PEBP4: variants seen among roughly 807,000 people sequenced by gnomAD.
PEBP4 encodes the protein phosphatidylethanolamine-binding protein 4.
A neutral mutation model predicts 23.9 loss-of-function variants in PEBP4; 22 were observed. The observed-to-expected ratio is 0.92, with a 90% confidence interval of 0.66 to 1.31. PEBP4 has a LOEUF of 1.31. Among genes scored for constraint, PEBP4 ranks in the 40% most tolerant of loss-of-function variants. The probability of loss-of-function intolerance (pLI) is 0.00; values close to 1 mark genes in which losing one functional copy is unlikely to be tolerated. For synonymous variants in PEBP4, 112 were observed against 99.3 expected (o/e 1.13, Z -0.76); for missense variants, 324 against 281.7 (o/e 1.15, Z -1.07).
intron 3 of PEBP4, among the ~76,000 whole-genome samples, chr8:22,906,748 T>G (rs1329268372): frequency 6.6e-6 from 1 of 152,248 alleles, no homozygotes; most frequent in Non-Finnish European, 1.5e-5. Context: ...AAATATTTAC[T>G]AAGTGCCTAC....
At chr8:22,817,001 GC>G in intron 4 of PEBP4, among the ~76,000 whole-genome samples, 1 of 152,208 alleles carries the variant, frequency 6.6e-6, no homozygotes, top group East Asian at 1.9e-4. Flanking sequence ...TGGCAACACA[GC>G]CTTTCCCTCC....
chr8:22,728,613 C>CA (rs1563196431), intron 4 of PEBP4, among the ~76,000 whole-genome samples: 1 of 101,002 alleles, frequency 9.9e-6, no homozygotes, highest in Non-Finnish European at 1.8e-5. Flanking sequence ...CCTTCCTTCC[C>CA]TTTTTTTGGA....
chr8:22,921,862 G>A (rs188578392), intron 2 of PEBP4, among the ~76,000 whole-genome samples: 118 of 152,338 alleles, frequency 7.7e-4, no homozygotes, highest in African/African-American at 2.5e-3. Context: ...CGCAGCTAGC[G>A]AGATGCGAGG....
rs755758009 is a variant in PEBP4, at chr8:22,920,186, C to T, written c.256G>A (p.Asp86Asn). 2 of 1,611,758 alleles carry T rather than the reference C, an allele frequency of 1.2e-6. No homozygotes were observed. Among genetic ancestry groups the T allele is most frequent in the East Asian group, 2.2e-5 (1 of 44,804 alleles). The change falls in exon 3 of 7, where the codon GAC (aspartate) becomes AAC (asparagine). Residue 86 changes from aspartate to asparagine, a missense_variant and splice_region_variant. Coordinates refer to ENST00000256404, the MANE Select transcript of PEBP4 (RefSeq NM_144962.3). ...TTAACACAGCCCTGCTCACTCACGT[C>T]CACGGCCCCCGGGAACTTGACTATC... ...EPIVKFPGAV[D>N]GATYILVMVD... is the part of the protein sequence containing the mutation.
intron 3 of PEBP4, 48 bp downstream of exon 3, chr8:22,920,136 C>A: frequency 6.3e-7 from 1 of 1,583,668 alleles, no homozygotes; most frequent in South Asian, 1.1e-5. Flanking sequence ...GGAGGAACAT[C>A]AAGACCCCCA....
At chr8:22,879,655 G>A (rs1016378528) in intron 3 of PEBP4, among the ~76,000 whole-genome samples, 57 of 152,202 alleles carry the variant, frequency 3.7e-4, no homozygotes, top group African/African-American at 1.3e-3. Flanking sequence ...GAGGGTCGAG[G>A]GTCGGGGAGG....
chr8:22,784,918 C>T (rs947739603), intron 4 of PEBP4, among the ~76,000 whole-genome samples: 1 of 152,190 alleles, frequency 6.6e-6, no homozygotes, highest in Non-Finnish European at 1.5e-5. Context: ...CCGTCAGGAA[C>T]GCTCTGGGAT....
At chr8:22,767,595 C>G (rs1403815077) in intron 4 of PEBP4, among the ~76,000 whole-genome samples, 1 of 151,730 alleles carries the variant, frequency 6.6e-6, no homozygotes, top group Non-Finnish European at 1.5e-5. Context: ...TCCAAATAAT[C>G]TCACCTTGCC....
At chr8:22,833,595 G>A (rs1215492312) in intron 3 of PEBP4, among the ~76,000 whole-genome samples, 1 of 152,214 alleles carries the variant, frequency 6.6e-6, no homozygotes. Flanking sequence ...GCCTCTCAAA[G>A]TGCTGGGATT....
intron 3 of PEBP4, among the ~76,000 whole-genome samples, chr8:22,876,583 C>T (rs1366119935): frequency 1.3e-5 from 2 of 152,236 alleles, no homozygotes; most frequent in Non-Finnish European, 2.9e-5. Context: ...CCAGTGATGA[C>T]ATGTTCTGTC....
At chr8:22,926,615 G>A (rs1232106309) in intron 2 of PEBP4, among the ~76,000 whole-genome samples, 2 of 151,950 alleles carry the variant, frequency 1.3e-5, no homozygotes, top group African/African-American at 4.8e-5. Context: ...CAAAGTGCTG[G>A]GATTACACAT....
At position 22,780,643 on chromosome 8, in the gene PEBP4, G is replaced by A. The variant is rs61492093; in HGVS notation, c.357+36994C>T. ...GCGATGGAAGTTATAAGGCCTGAAGGCATTGACTCCCCTGCCATACACCCA... is the reference window on the plus strand; with the variant it reads ...GCGATGGAAGTTATAAGGCCTGAAGACATTGACTCCCCTGCCATACACCCA... On this transcript the variant is annotated intron_variant, in intron 4 of 6. Transcript: ENST00000256404. 6.8e-3 allele frequency among the ~76,000 whole-genome samples: 1,038 copies of A among 152,260 alleles called. 21 individuals carry two copies. The highest frequency in any genetic ancestry group is 0.024 in the African/African-American group (986 of 41,530).
upstream of PEBP4, among the ~76,000 whole-genome samples, chr8:22,929,441 T>C (rs1053032747): frequency 1.3e-5 from 2 of 152,230 alleles, no homozygotes; most frequent in African/African-American, 4.8e-5. Context: ...GATGGCGGCC[T>C]GGAAGAAGGG....
At chr8:22,864,005 C>T (rs1807832163) in intron 3 of PEBP4, among the ~76,000 whole-genome samples, 1 of 152,214 alleles carries the variant, frequency 6.6e-6, no homozygotes. Context: ...CTACCCTCCT[C>T]ACAGCCACCA....
At chr8:22,872,398 G>A (rs1482761034) in intron 3 of PEBP4, among the ~76,000 whole-genome samples, 1 of 152,230 alleles carries the variant, frequency 6.6e-6, no homozygotes, top group African/African-American at 2.4e-5. Flanking sequence ...CAAGAGACAG[G>A]ACCCCTTTTT....
chr8:22,718,784 G>C (rs555821623), intron 6 of PEBP4, among the ~76,000 whole-genome samples: 2 of 152,120 alleles, frequency 1.3e-5, no homozygotes, highest in South Asian at 4.1e-4. Context: ...CGCTGGTGGG[G>C]GGCAGTCTGA....
intron 3 of PEBP4, 66 bp from the exon 4 acceptor site, chr8:22,817,801 A>C (rs1585289778): frequency 1.1e-4 from 158 of 1,421,012 alleles, no homozygotes; most frequent in Admixed American, 4.7e-4. Flanking sequence ...CACGGGGCAG[A>C]CCTCCTTTTC....
chr8:22,854,996 G>GCACGCACA (rs1807612452), intron 3 of PEBP4, among the ~76,000 whole-genome samples: 2 of 75,768 alleles, frequency 2.6e-5, no homozygotes, highest in Admixed American at 1.5e-4. Context: ...GTGTGAGTAT[G>GCACGCACA]CACGCACACA....
intron 3 of PEBP4, among the ~76,000 whole-genome samples, chr8:22,849,270 A>G (rs1330173322): frequency 1.3e-5 from 2 of 152,222 alleles, no homozygotes; most frequent in Admixed American, 6.5e-5. Flanking sequence ...CTGAGTAAAA[A>G]TAGATTATGG....
Sources: allele counts gnomAD v4.1 joint callset (sites outside exome capture counted in the v4.1 genomes callset), GRCh38; gene constraint gnomAD v4.1.1; transcripts MANE v1.5; gene names NCBI Gene and HGNC (gene_info 2026-07-23, HGNC 2026-07-21).